The following GRB10 variants were observed in gnomAD, a reference collection of about 807,000 sequenced individuals.
GRB10 encodes growth factor receptor bound protein 10, also known as growth factor receptor-bound protein 10.
Under a neutral mutation model 80.9 loss-of-function variants are expected in GRB10, and 20 were observed. The observed-to-expected ratio is 0.25, with a 90% CI of 0.17 to 0.36. The LOEUF (loss-of-function observed/expected upper bound fraction) is 0.36. Among genes scored for constraint, GRB10 ranks in the 10% least tolerant of loss-of-function variants. The pLI, the probability that GRB10 is intolerant of heterozygous loss-of-function variation, is 1.00. For synonymous variants in GRB10, 291 were observed against 291.5 expected (o/e 1.00, Z 0.02); for missense variants, 548 against 747.7 (o/e 0.73, Z 3.12).
chr7:50,652,370 G>C (rs2058094033), intron 7 of GRB10, among the ~76,000 whole-genome samples: 1 of 152,122 alleles, frequency 6.6e-6, no homozygotes, highest in African/African-American at 2.4e-5. Context: ...AGTCTCTATG[G>C]CATAAAAGTT....
chr7:50,674,359 T>G, intron 6 of GRB10, 77 bp downstream of exon 6: 1 of 1,398,518 alleles, frequency 7.2e-7, no homozygotes, highest in Non-Finnish European at 9.9e-7. Context: ...CCAACACCAT[T>G]TAACTCACAG....
chr7:50,788,899 A>T (rs2078801152), intron 1 of GRB10, among the ~76,000 whole-genome samples: 2 of 152,228 alleles, frequency 1.3e-5, no homozygotes, highest in Admixed American at 1.3e-4. Context: ...CCTGGAGACC[A>T]GAGATCTGTC....
intron 4 of GRB10, among the ~76,000 whole-genome samples, chr7:50,722,407 A>G (rs1454503636): frequency 2.0e-5 from 3 of 152,240 alleles, no homozygotes; most frequent in Non-Finnish European, 2.9e-5. Flanking sequence ...GCACAGACAG[A>G]GCAGCTCTGA....
At chr7:50,619,008 G>A (rs560426896) in intron 9 of GRB10, among the ~76,000 whole-genome samples, 162 bp downstream of exon 9, 2 of 152,272 alleles carry the variant, frequency 1.3e-5, no homozygotes, top group South Asian at 4.1e-4. Flanking sequence ...ATGAGACTGG[G>A]TTTCAAGCAA....
At chr7:50,709,634 G>T (rs969106956) in intron 4 of GRB10, among the ~76,000 whole-genome samples, 1 of 146,430 alleles carries the variant, frequency 6.8e-6, no homozygotes, top group Non-Finnish European at 1.5e-5. Flanking sequence ...CTGGCTAACA[G>T]AGGCAGGTGG....
At chr7:50,766,665 A>G (rs978000912) in intron 2 of GRB10, among the ~76,000 whole-genome samples, 3 of 152,180 alleles carry the variant, frequency 2.0e-5, no homozygotes, top group African/African-American at 7.2e-5. Context: ...CAATGAAGAA[A>G]GCTGTAGGGA....
At chr7:50,783,519 C>T (rs1185088487), upstream of GRB10, among the ~76,000 whole-genome samples, 1 of 151,424 alleles carries the variant, frequency 6.6e-6, no homozygotes, top group Non-Finnish European at 1.5e-5. Context: ...CACACACATA[C>T]ACCACACACA....
chr7:50,741,542 A>C (rs369000287), intron 3 of GRB10, among the ~76,000 whole-genome samples: 1 of 149,912 alleles, frequency 6.7e-6, no homozygotes, highest in East Asian at 1.9e-4. Flanking sequence ...GAAATTAGGA[A>C]CATGTGTTTA....
intron 2 of GRB10, among the ~76,000 whole-genome samples, chr7:50,760,374 TA>T (rs1320821417): frequency 6.6e-6 from 1 of 152,150 alleles, no homozygotes; most frequent in African/African-American, 2.4e-5. Flanking sequence ...TAAAAAGACC[TA>T]AATGAATGGA....
intron 7 of GRB10, among the ~76,000 whole-genome samples, chr7:50,629,265 T>C (rs1363071541): frequency 6.6e-6 from 1 of 152,208 alleles, no homozygotes. Flanking sequence ...TTCTCATTTT[T>C]TTTTTCAGCC....
chr7:50,729,801 T>C lies in GRB10; in HGVS notation c.51+2471A>G, dbSNP rs372820342. On this transcript the variant is annotated intron_variant, in intron 4 of 18. Coordinates refer to ENST00000401949, the MANE Select transcript of GRB10 (RefSeq NM_001350814.2). ...ATTTGCTTCAGAATTAGTATCATTA[T>C]TCACAGCTATCTCACTTGCCAGTTG... is the stretch of plus-strand genomic sequence containing the variant. Among the ~76,000 whole-genome samples the C allele has an allele frequency of 4.1e-5, 6 of 147,380 alleles. No individual in the cohort carries two copies. In the East Asian group the frequency reaches 6.4e-4, roughly 16 times the overall value.
intron 2 of GRB10, among the ~76,000 whole-genome samples, chr7:50,763,400 C>A (rs2075986622): frequency 6.6e-6 from 1 of 152,186 alleles, no homozygotes; most frequent in Non-Finnish European, 1.5e-5. Context: ...AGCAACAGGG[C>A]TCCCCTAAAC....
intron 5 of GRB10, among the ~76,000 whole-genome samples, chr7:50,685,613 C>T (rs916969312): frequency 6.6e-6 from 1 of 152,100 alleles, no homozygotes; most frequent in South Asian, 2.1e-4. Flanking sequence ...TCATGACGCT[C>T]CCAGTTTATA....
intron 8 of GRB10, 49 bp from the exon 9 acceptor site, chr7:50,619,334 T>C (rs1401354362): frequency 1.9e-6 from 2 of 1,069,560 alleles, no homozygotes; most frequent in Non-Finnish European, 2.9e-6. Flanking sequence ...GGGAAATTCA[T>C]GGTAGCTTTA....
At chr7:50,720,374 A>G (rs995233615) in intron 4 of GRB10, among the ~76,000 whole-genome samples, 1 of 152,176 alleles carries the variant, frequency 6.6e-6, no homozygotes, top group South Asian at 2.1e-4. Context: ...GGAAACTGCT[A>G]AAGTGACAGT....
At chr7:50,704,069 C>G (rs1443159575) in intron 4 of GRB10, among the ~76,000 whole-genome samples, 161 bp from the exon 5 acceptor site, 1 of 152,208 alleles carries the variant, frequency 6.6e-6, no homozygotes, top group Non-Finnish European at 1.5e-5. Context: ...TGAAAACAGA[C>G]TGCATAAGGG....
rs114181560 is a variant in GRB10, at chr7:50,736,468, G to A, written c.-46-4100C>T. On this transcript the variant is annotated intron_variant, in intron 3 of 18. Coordinates refer to ENST00000401949, the MANE Select transcript of GRB10 (RefSeq NM_001350814.2). ...TTCAGTAAGGATGCCAAGACCATTC[G>A]CTGAGGAAAAGACAGGCTTTTCAAT... Among the ~76,000 whole-genome samples, 403 of 152,182 alleles carry A rather than the reference G, an allele frequency of 2.6e-3. 1 individual carries two copies. The highest frequency in any genetic ancestry group is 9.2e-3 in the African/African-American group (382 of 41,530).
At chr7:50,777,334 C>G (rs1427256913) in intron 2 of GRB10, among the ~76,000 whole-genome samples, 1 of 151,940 alleles carries the variant, frequency 6.6e-6, no homozygotes, top group Admixed American at 6.6e-5. Context: ...GACTTAAACA[C>G]CTCCTAAAGG....
rs577286055 is a variant in GRB10, at chr7:50,654,274, T to C, written c.504+15448A>G. Reference sequence around the variant, plus strand: ...GAGGTGGCTCTGCGAGTGTTTCCCATGGCCAACAGCACCAGCTCAGAGCGT... The same window carrying C: ...GAGGTGGCTCTGCGAGTGTTTCCCACGGCCAACAGCACCAGCTCAGAGCGT... On this transcript the variant is annotated intron_variant, in intron 7 of 18. Transcript: ENST00000401949. Among the ~76,000 whole-genome samples the C allele has an allele frequency of 7.2e-5, 11 of 152,310 alleles. No homozygotes were observed. In the South Asian group the frequency reaches 1.9e-3, roughly 26 times the overall value.
Sources: allele counts gnomAD v4.1 joint callset (sites outside exome capture counted in the v4.1 genomes callset), GRCh38; gene constraint gnomAD v4.1.1; transcripts MANE v1.5; gene names NCBI Gene and HGNC (gene_info 2026-07-23, HGNC 2026-07-21).